ZNF454: variants seen among roughly 807,000 people sequenced by gnomAD.
ZNF454 encodes the protein zinc finger protein 454.
In ZNF454, 30 loss-of-function variants were observed where a neutral mutation model predicts 48.2. That is an observed-to-expected ratio of 0.62 (90% CI 0.47 to 0.84). The LOEUF is 0.84. Ranked by LOEUF, ZNF454 falls within the 40% of genes least tolerant of loss-of-function variation. ZNF454 has a pLI of 0.00. For synonymous variants in ZNF454, 204 were observed against 211.4 expected, an observed-to-expected ratio of 0.97 and a Z score of 0.30; for missense variants, 510 against 623.1, an observed-to-expected ratio of 0.82 and a Z score of 1.93.
the ZNF454 span, chr5:178,986,576 C>G: frequency 6.2e-7 from 1 of 1,607,332 alleles, no homozygotes; most frequent in Non-Finnish European, 8.5e-7. Context: ...CTCATGTCCC[C>G]AGGACAGGCC....
At chr5:178,959,644 T>C (rs557696278) in intron 4 of ZNF454, among the ~76,000 whole-genome samples, 3 of 152,248 alleles carry the variant, frequency 2.0e-5, no homozygotes, top group East Asian at 3.9e-4. Flanking sequence ...CTCGCTCTGT[T>C]GCCCAGGCTG....
At chr5:178,986,700 G>T in the ZNF454 span, 1 of 1,604,602 alleles carries the variant, frequency 6.2e-7, no homozygotes. Context: ...AGGGCAGGCT[G>T]CACAGAGACG....
chr5:178,943,349 G>T (rs189454919), intron 2 of ZNF454, among the ~76,000 whole-genome samples: 1 of 152,236 alleles, frequency 6.6e-6, no homozygotes, highest in East Asian at 1.9e-4. Context: ...GAAGTGGGAG[G>T]TCCTAGACTC....
downstream of ZNF454, among the ~76,000 whole-genome samples, chr5:178,970,511 C>T (rs1185342151): frequency 2.6e-5 from 4 of 152,096 alleles, no homozygotes; most frequent in African/African-American, 4.8e-5. Flanking sequence ...CCCTGTGTTC[C>T]GTCTGCCACC....
chr5:178,968,866 T>C (rs2113290096), downstream of ZNF454: 1 of 456,754 alleles, frequency 2.2e-6, no homozygotes, highest in African/African-American at 2.0e-5. Flanking sequence ...CACTTGAGTC[T>C]CATTCACCTC....
rs1217518946 is a variant in ZNF454, at chr5:178,941,425, T to C, written c.-127T>C. The C allele has an allele frequency of 2.2e-6, 1 of 456,610 alleles. No homozygotes were observed. Among genetic ancestry groups the C allele is most frequent in the Non-Finnish European group, 4.4e-6 (1 of 226,932 alleles). 28.3% of individuals were successfully genotyped at this position (456,610 alleles called of 1,614,324 possible). A position where few individuals can be genotyped will look rare whatever the true frequency, so the allele number is the denominator to read the frequency against. On this transcript the variant is annotated 5_prime_UTR_variant, in exon 1 of 5. It removes an upstream start codon present in the reference 5' UTR. Transcript: ENST00000519564. This position sits in a 1 kb window ranked among gnomAD's most constrained non-coding sequence, Gnocchi z 5.5. ...TCCATTCTGGAGGACGCTGATCGAA[T>C]GCCCCAAACTTCCCGGAATGTATGT...
chr5:178,985,717 A>AAAAAAC, the ZNF454 span: 44 of 419,550 alleles, frequency 1.0e-4, no homozygotes, highest in South Asian at 4.1e-4. Flanking sequence ...AAAAAAAACA[A>AAAAAAC]AACAACACAG....
At chr5:178,975,238 G>A in the ZNF454 span, among the ~76,000 whole-genome samples, 11 of 152,224 alleles carry the variant, frequency 7.2e-5, no homozygotes, top group Middle Eastern at 3.4e-3. Flanking sequence ...CTCAGATCAC[G>A]CCACTGCACT....
At chr5:178,942,909 C>T in intron 2 of ZNF454, 85 bp downstream of exon 2, 1 of 1,490,818 alleles carries the variant, frequency 6.7e-7, no homozygotes, top group Middle Eastern at 1.9e-4. Flanking sequence ...GAGCTTTATT[C>T]CCAATCCAGT....
chr5:178,969,513 G>A (rs77591071), downstream of ZNF454: 3,065 of 456,966 alleles, frequency 6.7e-3, 23 homozygotes, highest in Non-Finnish European at 8.5e-3. Flanking sequence ...GAAGGACCAC[G>A]ATTTGGGACT....
At chr5:178,981,647 A>T in the ZNF454 span, 1 of 1,609,098 alleles carries the variant, frequency 6.2e-7, no homozygotes, top group Non-Finnish European at 8.5e-7. This position sits in a 1 kb window ranked among gnomAD's most constrained non-coding sequence, Gnocchi z 5.1. Flanking sequence ...TCCCGTTCCC[A>T]CCTGCCCTGC....
At position 178,966,017 on chromosome 5, in the gene ZNF454, G is replaced by A. The variant is rs201096374; in HGVS notation, c.*44G>A. 1.4e-6 allele frequency: 2 copies of A among 1,390,510 alleles called. No homozygotes were observed. The highest frequency in any genetic ancestry group is 1.4e-5 in the African/African-American group (1 of 69,188). The allele number at this position is 1,390,510 out of a possible 1,614,324, so 86.1% of individuals were successfully genotyped here. On this transcript the variant is annotated 3_prime_UTR_variant, in exon 5 of 5. Coordinates refer to ENST00000519564, the MANE Select transcript of ZNF454 (RefSeq NM_001178089.3). ...GGAAGACCTTTGAGACTGAGTAGATGAATTATTGAATGTGAGATAATCCGT... is the reference window on the plus strand; with the variant it reads ...GGAAGACCTTTGAGACTGAGTAGATAAATTATTGAATGTGAGATAATCCGT...
rs750828270 is a variant in ZNF454, at chr5:178,965,419, CAG to C, written c.1018_1019del (p.Ser340TyrfsTer17). ...KCNECGKAFNQSTSFLQHQRI... is the reference protein window; with the variant it reads ...KCNECGKAFNXSTSFLQHQRI... ...CAATGAATGTGGAAAAGCCTTTAAT[CAG>C]AGTACAAGTTTCCTTCAGCATCAGA... On this transcript the variant is annotated frameshift_variant, in exon 5 of 5. Transcript: ENST00000519564. LOFTEE classifies it high-confidence loss of function. The surrounding 1 kb of genome is among the most constrained non-coding windows in gnomAD (Gnocchi z 5.2). 1 of 1,614,154 alleles carries C rather than the reference CAG, an allele frequency of 6.2e-7. No individual in the cohort carries two copies. The highest frequency in any genetic ancestry group is 1.3e-5 in the African/African-American group (1 of 75,054).
the ZNF454 span, among the ~76,000 whole-genome samples, chr5:178,988,512 G>T: frequency 6.6e-6 from 1 of 152,212 alleles, no homozygotes; most frequent in Non-Finnish European, 1.5e-5. This position sits in a 1 kb window ranked among gnomAD's most constrained non-coding sequence, Gnocchi z 6.0. Flanking sequence ...CAAGGGACAG[G>T]TCAGACCCAC....
intron 2 of ZNF454, among the ~76,000 whole-genome samples, chr5:178,943,860 C>A (rs1348296407): frequency 6.6e-6 from 1 of 152,118 alleles, no homozygotes; most frequent in Middle Eastern, 3.4e-3. Flanking sequence ...CCCGTCTCTA[C>A]TAAAATTACA....
chr5:178,965,096 T>TGG lies in ZNF454; in HGVS notation c.692_693insGG (p.Ile232ValfsTer25). ...AAAGCCTTTCACCAGAGTACGCACC[T>TGG]TATCCATCACCAAAGAATTCACACT... On this transcript the variant is annotated frameshift_variant, in exon 5 of 5. Coordinates refer to ENST00000519564, the MANE Select transcript of ZNF454 (RefSeq NM_001178089.3). LOFTEE classifies it high-confidence loss of function. The surrounding 1 kb of genome is among the most constrained non-coding windows in gnomAD (Gnocchi z 5.2). 2 of 1,614,210 alleles carry TGG rather than the reference T, an allele frequency of 1.2e-6. No individual in the cohort carries two copies. The highest frequency in any genetic ancestry group is 1.7e-6 in the Non-Finnish European group (2 of 1,180,036).
the ZNF454 span, chr5:178,985,582 A>G: frequency 5.2e-5 from 18 of 345,820 alleles, no homozygotes; most frequent in Non-Finnish European, 9.1e-5. Flanking sequence ...GGGCGCCTGT[A>G]GTCCCAGCTA....
the ZNF454 span, among the ~76,000 whole-genome samples, chr5:178,982,303 C>T: frequency 5.2e-4 from 79 of 152,244 alleles, no homozygotes; most frequent in African/African-American, 1.9e-3. Flanking sequence ...GAAGCCTGGG[C>T]GCAGTGGCTC....
At chr5:178,987,679 A>C in the ZNF454 span, among the ~76,000 whole-genome samples, 1 of 152,174 alleles carries the variant, frequency 6.6e-6, no homozygotes. Context: ...GAAGTGTTTA[A>C]TGCATACAGA....
Sources: gnomAD v4.1 joint callset for allele counts (sites outside exome capture counted in the v4.1 genomes callset) on GRCh38, gnomAD v4.1.1 for gene constraint, Gnocchi (gnomAD v3.1) non-coding constraint, MANE v1.5 for transcripts, NCBI Gene and HGNC (gene_info 2026-07-23, HGNC 2026-07-21) for gene names.